Variants in GPM6A observed in about 807,000 individuals in gnomAD.
The protein encoded by GPM6A is neuronal membrane glycoprotein M6-a.
Under a neutral mutation model 32.1 loss-of-function variants are expected in GPM6A, and 7 were observed. The ratio of observed to expected loss-of-function variants is 0.22; its 90% confidence interval spans 0.12 to 0.41. GPM6A has a LOEUF of 0.41. Ranked by LOEUF, GPM6A falls within the 10% of genes least tolerant of loss-of-function variation. GPM6A has a pLI of 1.00. For missense variants in GPM6A, 235 were observed against 347.2 expected (o/e 0.68, Z 2.57); for synonymous variants, 130 against 123.4 (o/e 1.05, Z -0.35).
chr4:175,894,356 C>T (rs1007366154), intron 1 of GPM6A, among the ~76,000 whole-genome samples: 1 of 151,946 alleles, frequency 6.6e-6, no homozygotes, highest in South Asian at 2.1e-4. Flanking sequence ...CTGTATATAG[C>T]GAAAAAGCGA....
chr4:175,771,200 C>T (rs17658688), intron 1 of GPM6A, among the ~76,000 whole-genome samples: 3,084 of 152,202 alleles, frequency 0.02, 57 homozygotes, highest in Non-Finnish European at 0.031. Flanking sequence ...CATATAATCT[C>T]TGGCACATTC....
At chr4:175,659,614 A>G (rs1396797841) in intron 3 of GPM6A, among the ~76,000 whole-genome samples, 1 of 152,216 alleles carries the variant, frequency 6.6e-6, no homozygotes, top group East Asian at 1.9e-4. Context: ...AATGATAGTC[A>G]TGAAAATTGC....
intron 1 of GPM6A, among the ~76,000 whole-genome samples, chr4:175,826,329 G>A (rs549966680): frequency 6.5e-4 from 82 of 125,210 alleles, no homozygotes; most frequent in Non-Finnish European, 1.1e-3. Flanking sequence ...GCTCAGTGGC[G>A]TACACGTGTG....
intron 1 of GPM6A, among the ~76,000 whole-genome samples, chr4:175,989,722 A>T (rs932129219): frequency 1.3e-5 from 2 of 152,130 alleles, no homozygotes. Flanking sequence ...TATTTCCTTT[A>T]TAGTGAATCA....
At chr4:175,798,095 T>C (rs931900706) in intron 1 of GPM6A, among the ~76,000 whole-genome samples, 1 of 152,224 alleles carries the variant, frequency 6.6e-6, no homozygotes, top group Non-Finnish European at 1.5e-5. Context: ...AGCAAACTAA[T>C]GTTGAAGAGC....
chr4:175,933,692 G>T (rs1476436161), intron 1 of GPM6A, among the ~76,000 whole-genome samples: 1 of 152,030 alleles, frequency 6.6e-6, no homozygotes, highest in Non-Finnish European at 1.5e-5. Context: ...ACAGGTGCCC[G>T]CCACCATGCC....
At chr4:175,992,059 T>TGCAC (rs1554007512) in intron 1 of GPM6A, among the ~76,000 whole-genome samples, 6,996 of 44,620 alleles carry the variant, frequency 0.16, 181 homozygotes, top group South Asian at 0.2. Flanking sequence ...CAAACACACA[T>TGCAC]GCACACACAC....
intron 3 of GPM6A, among the ~76,000 whole-genome samples, chr4:175,664,573 A>G (rs951297083): frequency 1.3e-5 from 2 of 152,210 alleles, no homozygotes; most frequent in Admixed American, 1.3e-4. Flanking sequence ...GGTCTCATCC[A>G]CTCAACAAAT....
intron 1 of GPM6A, among the ~76,000 whole-genome samples, chr4:175,930,052 C>G (rs183173371): frequency 6.6e-6 from 1 of 152,192 alleles, no homozygotes; most frequent in East Asian, 1.9e-4. Flanking sequence ...TCTTAACTTT[C>G]TTTTCTCTGG....
rs534565770 is a variant in GPM6A at position 175,861,218 on chromosome 4, A to T, written c.-22-48969T>A. Among the ~76,000 whole-genome samples, 50 of 152,190 alleles carry T rather than the reference A, an allele frequency of 3.3e-4. 2 individuals are homozygous for T. The South Asian group carries it at 0.01, about 32-fold the overall frequency. On this transcript the variant is annotated intron_variant, in intron 1 of 7. Coordinates refer to the GPM6A transcript ENST00000280187. ...TTGGAGCTTGTATAAGGTGAGTGAA[A>T]GAGAGAAAAGACAAATACATATGAA... is the stretch of plus-strand genomic sequence containing the variant.
At chr4:175,756,856 A>G (rs555473917) in intron 1 of GPM6A, among the ~76,000 whole-genome samples, 1 of 152,268 alleles carries the variant, frequency 6.6e-6, no homozygotes, top group East Asian at 1.9e-4. Context: ...CTGACATCTC[A>G]AAGTAAATTG....
chr4:175,939,793 C>T (rs1370945391), intron 1 of GPM6A, among the ~76,000 whole-genome samples: 2 of 151,998 alleles, frequency 1.3e-5, no homozygotes, highest in Admixed American at 1.3e-4. Context: ...AAAGTTAAAT[C>T]CTAATAGCAG....
intron 1 of GPM6A, among the ~76,000 whole-genome samples, chr4:175,857,176 A>T (rs972063844): frequency 6.6e-6 from 1 of 152,250 alleles, no homozygotes; most frequent in East Asian, 1.9e-4. Flanking sequence ...TAAATATTTT[A>T]AAATGTAATT....
chr4:175,730,849 T>C (rs1453873187), intron 1 of GPM6A, among the ~76,000 whole-genome samples: 1 of 152,104 alleles, frequency 6.6e-6, no homozygotes, highest in Admixed American at 6.5e-5. Flanking sequence ...TCAGTTCTCA[T>C]CTAAACTGCC....
chr4:175,975,033 T>G (rs1156309776), intron 1 of GPM6A, among the ~76,000 whole-genome samples: 2 of 152,080 alleles, frequency 1.3e-5, no homozygotes, highest in African/African-American at 4.8e-5. Context: ...GTCCATAATC[T>G]CCTACCTCTC....
rs567227964 is a variant in GPM6A, at chr4:175,635,171, T to A, written c.685-114A>T. On this transcript the variant is annotated intron_variant, in intron 6 of 6. Coordinates refer to ENST00000393658, the MANE Select transcript of GPM6A (RefSeq NM_201591.3). ...GCTCTTTATAGGAAATGTTCACATA[T>A]AAAATGGAAACAAAATTTCTTTGGT... 741 of 758,526 alleles carry A rather than the reference T, an allele frequency of 9.8e-4. 13 individuals are homozygous for A. The South Asian group carries it at 0.012, about 13-fold the overall frequency. The allele number at this position is 758,526 out of a possible 1,614,324, so 47.0% of individuals were successfully genotyped here.
chr4:175,710,094 G>T lies in GPM6A; in HGVS notation c.38-8327C>A, dbSNP rs536334599. Among the ~76,000 whole-genome samples the T allele has an allele frequency of 2.7e-3, 413 of 152,116 alleles. 2 individuals are homozygous for T. Among genetic ancestry groups the T allele is most frequent in the African/African-American group, 9.7e-3 (402 of 41,492 alleles). On this transcript the variant is annotated intron_variant, in intron 1 of 6. Transcript: ENST00000393658. ...ACAAAACTTAGCAAACAGCACTAAT[G>T]ACTATCATAATAAGTAAAGCTGAAG...
intron 1 of GPM6A, among the ~76,000 whole-genome samples, chr4:175,968,609 C>T (rs139570809): frequency 4.6e-5 from 7 of 152,162 alleles, no homozygotes; most frequent in African/African-American, 1.7e-4. Flanking sequence ...AATTAAAAAA[C>T]GGACAATAAA....
At chr4:175,735,270 G>A (rs2111152950) in intron 1 of GPM6A, among the ~76,000 whole-genome samples, 1 of 152,280 alleles carries the variant, frequency 6.6e-6, no homozygotes, top group Non-Finnish European at 1.5e-5. Flanking sequence ...GATTTTAGGA[G>A]TTTAAAATCC....
Sources: gnomAD v4.1 joint callset for allele counts (sites outside exome capture counted in the v4.1 genomes callset) on GRCh38, gnomAD v4.1.1 for gene constraint, MANE v1.5 for transcripts, NCBI Gene and HGNC (gene_info 2026-07-23, HGNC 2026-07-21) for gene names.